Variants in HMGB1 observed in about 807,000 individuals in gnomAD.
The protein encoded by HMGB1 is high mobility group protein B1.
For synonymous variants in HMGB1, 81 were observed against 84.0 expected (o/e 0.96, Z 0.19); for missense variants, 79 against 253.5 (o/e 0.31, Z 4.67).
intron 1 of HMGB1, among the ~76,000 whole-genome samples, chr13:30,471,785 C>T (rs1331621990): frequency 6.6e-6 from 1 of 150,690 alleles, no homozygotes; most frequent in East Asian, 2.0e-4. Flanking sequence ...TCTCCTGCCT[C>T]AGCCTCCAGA....
Position 30,534,616 on chromosome 13 carries a change from C to CTT in HMGB1, c.-14-70924_-14-70923dup, listed in dbSNP as rs1216929821. Among the ~76,000 whole-genome samples, 220 of 124,694 alleles carry CTT rather than the reference C, an allele frequency of 1.8e-3. 2 individuals carry two copies. The highest frequency in any genetic ancestry group is 5.4e-3 in the African/African-American group (178 of 32,976). 81.8% of individuals were successfully genotyped at this position (124,694 alleles called of 152,430 possible). ...TAACTCTAGCCTATGGTTCAAGCTG[C>CTT]TTTTTTTTTTTTTTTTTTTTGACAC... On this transcript the variant is annotated intron_variant, in intron 1 of 4. Transcript: ENST00000405805.
upstream of HMGB1, among the ~76,000 whole-genome samples, chr13:30,467,623 ATCC>A (rs762776401): frequency 4.6e-5 from 7 of 152,228 alleles, no homozygotes; most frequent in Non-Finnish European, 1.0e-4. Context: ...CATATTTACT[ATCC>A]TCTGCTTCCC....
chr13:30,565,651 A>G (rs536490986), intron 1 of HMGB1, among the ~76,000 whole-genome samples: 2 of 152,310 alleles, frequency 1.3e-5, no homozygotes, highest in East Asian at 1.9e-4. Context: ...CTGGGTCTGC[A>G]TGTCTGATAT....
At chr13:30,617,460 GCCGGCTTCGGAAGC>G (rs1950579705) in exon 1 of HMGB1, 1 of 152,076 alleles carries the variant, frequency 6.6e-6, no homozygotes, top group South Asian at 2.1e-4. Flanking sequence ...TGGCACCCCC[GCCGGCTTCGGAAGC>G]CCTTCCCTCT....
At chr13:30,520,194 T>C (rs368524976) in intron 1 of HMGB1, among the ~76,000 whole-genome samples, 1 of 151,958 alleles carries the variant, frequency 6.6e-6, no homozygotes, top group Non-Finnish European at 1.5e-5. Flanking sequence ...TCGTGGCACA[T>C]GCCTGTAATC....
chr13:30,553,545 A>G lies in HMGB1; in HGVS notation c.-15+63126T>C, dbSNP rs566668722. Reference sequence around the variant, plus strand: ...AATTAGAAATTTACCAAATATATATATGAATAGAATATATACAACTTCCTT... The same window carrying G: ...AATTAGAAATTTACCAAATATATATGTGAATAGAATATATACAACTTCCTT... On this transcript the variant is annotated intron_variant, in intron 1 of 4. Transcript: ENST00000405805. 44 of 477,250 alleles carry G rather than the reference A, an allele frequency of 9.2e-5. No homozygotes were observed. The South Asian group carries it at 9.7e-4, about 11-fold the overall frequency. The allele number at this position is 477,250 out of a possible 1,614,324, so 29.6% of individuals were successfully genotyped here. A position where few individuals can be genotyped will look rare whatever the true frequency, so the allele number is the denominator to read the frequency against.
intron 1 of HMGB1, among the ~76,000 whole-genome samples, chr13:30,506,654 T>C (rs17074675): frequency 6.6e-6 from 1 of 152,136 alleles, no homozygotes; most frequent in Non-Finnish European, 1.5e-5. Context: ...ACACTCGAGC[T>C]GCCCCTCTCA....
chr13:30,545,381 T>TATATTAATA (rs1183060238), intron 1 of HMGB1, among the ~76,000 whole-genome samples: 1 of 150,220 alleles, frequency 6.7e-6, no homozygotes, highest in Non-Finnish European at 1.5e-5. Flanking sequence ...TTATTATTAA[T>TATATTAATA]ATATTAATAA....
chr13:30,583,771 G>A (rs1305925402), intron 1 of HMGB1, among the ~76,000 whole-genome samples: 15 of 147,174 alleles, frequency 1.0e-4, no homozygotes, highest in Admixed American at 1.4e-4. Context: ...CCCGGGAGGC[G>A]AAGGTTGCAG....
intron 1 of HMGB1, among the ~76,000 whole-genome samples, chr13:30,538,509 TC>T (rs753548126): frequency 0.012 from 1,245 of 107,272 alleles, 34 homozygotes; most frequent in African/African-American, 0.047. Flanking sequence ...TTTCTTTCTT[TC>T]CTTTCTTTCT....
At chr13:30,466,430 T>C (rs1169359365), upstream of HMGB1, among the ~76,000 whole-genome samples, 1 of 152,136 alleles carries the variant, frequency 6.6e-6, no homozygotes, top group Admixed American at 6.5e-5. Context: ...CTGCTGGTGC[T>C]GAGGGGCGGA....
chr13:30,521,628 C>T (rs192072922), intron 1 of HMGB1, among the ~76,000 whole-genome samples: 101 of 152,302 alleles, frequency 6.6e-4, no homozygotes, highest in African/African-American at 2.3e-3. Context: ...TTGATGGACA[C>T]ATGAGTGGTT....
intron 1 of HMGB1, chr13:30,464,252 TG>T (rs1886561051): frequency 1.0e-6 from 1 of 985,464 alleles, no homozygotes; most frequent in Non-Finnish European, 1.2e-6. Context: ...GGAACCCGGT[TG>T]GGGGGTGGCG....
intron 1 of HMGB1, among the ~76,000 whole-genome samples, chr13:30,603,868 G>A (rs7990961): frequency 0.54 from 82,080 of 152,018 alleles, 25,368 homozygotes; most frequent in African/African-American, 0.85. Flanking sequence ...TAATGACAAG[G>A]AAAAAAGTCC....
At chr13:30,613,569 T>A (rs1339888184) in intron 1 of HMGB1, among the ~76,000 whole-genome samples, 2 of 152,218 alleles carry the variant, frequency 1.3e-5, no homozygotes, top group African/African-American at 4.8e-5. Context: ...TTTAAAGATT[T>A]ATTTGTTTGT....
At chr13:30,498,210 C>A (rs149354563) in intron 1 of HMGB1, among the ~76,000 whole-genome samples, 148 of 152,184 alleles carry the variant, frequency 9.7e-4, no homozygotes, top group African/African-American at 3.4e-3. Context: ...TTGCCAGCTA[C>A]TTGGGAGGCT....
intron 1 of HMGB1, among the ~76,000 whole-genome samples, chr13:30,549,414 C>T (rs967378492): frequency 7.9e-5 from 12 of 152,256 alleles, no homozygotes; most frequent in African/African-American, 2.9e-4. Context: ...GAGTAATAAA[C>T]AGATTCTCAC....
intron 1 of HMGB1, among the ~76,000 whole-genome samples, chr13:30,495,517 C>T (rs1176704794): frequency 6.8e-6 from 1 of 148,050 alleles, no homozygotes; most frequent in Non-Finnish European, 1.5e-5. Context: ...CTCGCTCTGT[C>T]GCCCAGGCTG....
At chr13:30,536,852 C>T (rs773395412) in intron 1 of HMGB1, among the ~76,000 whole-genome samples, 11 of 152,116 alleles carry the variant, frequency 7.2e-5, no homozygotes, top group Non-Finnish European at 1.3e-4. Context: ...AAACTCCTCT[C>T]GTACCACTTG....
Sources: gnomAD v4.1 joint callset for allele counts (sites outside exome capture counted in the v4.1 genomes callset) on GRCh38, gnomAD v4.1.1 for gene constraint, MANE v1.5 for transcripts, NCBI Gene and HGNC (gene_info 2026-07-23, HGNC 2026-07-21) for gene names.